TFEC: variants seen among roughly 807,000 people sequenced by gnomAD.
TFEC encodes transcription factor EC.
In TFEC, 31 loss-of-function variants were observed where a neutral mutation model predicts 41.6. The ratio of observed to expected loss-of-function variants is 0.74; its 90% confidence interval spans 0.56 to 1.01. TFEC has a LOEUF of 1.01. TFEC is among the 50% of genes least tolerant of loss of function. The probability of loss-of-function intolerance (pLI) is 0.00; values close to 1 mark genes in which losing one functional copy is unlikely to be tolerated. For missense variants in TFEC, 402 were observed against 404.1 expected, an observed-to-expected ratio of 0.99 and a Z score of 0.04; for synonymous variants, 143 against 140.6, an observed-to-expected ratio of 1.02 and a Z score of -0.12.
chr7:115,961,899 A>T (rs1792574491), intron 3 of TFEC, among the ~76,000 whole-genome samples: 1 of 151,586 alleles, frequency 6.6e-6, no homozygotes, highest in Admixed American at 6.6e-5. Flanking sequence ...ACACGATCTC[A>T]TATTAAGAAA....
At chr7:116,122,333 C>T (rs970761029) in intron 1 of TFEC, among the ~76,000 whole-genome samples, 9 of 152,050 alleles carry the variant, frequency 5.9e-5, no homozygotes, top group Non-Finnish European at 1.2e-4. Context: ...GTTTGGAACT[C>T]AAAAAGCATT....
chr7:116,122,634 A>G (rs1798130435), intron 1 of TFEC, among the ~76,000 whole-genome samples: 1 of 152,102 alleles, frequency 6.6e-6, no homozygotes. Flanking sequence ...TTTATCTGCC[A>G]GGTAGCAGGC....
intron 6 of TFEC, among the ~76,000 whole-genome samples, chr7:115,944,392 G>T (rs2130242816): frequency 6.6e-6 from 1 of 151,430 alleles, no homozygotes; most frequent in African/African-American, 2.4e-5. Flanking sequence ...TTTGGGTTTT[G>T]TTTTGTTAAC....
chr7:116,129,371 T>C (rs895019769), intron 1 of TFEC, among the ~76,000 whole-genome samples: 1 of 151,786 alleles, frequency 6.6e-6, no homozygotes, highest in Admixed American at 6.6e-5. Context: ...GGTATATCAC[T>C]CAGTAGTGGA....
chr7:116,101,184 T>C, intron 3 of TFEC, among the ~76,000 whole-genome samples: 1 of 125,386 alleles, frequency 8.0e-6, no homozygotes, highest in Non-Finnish European at 1.7e-5. Flanking sequence ...TCCCCCACTT[T>C]CATGCCCCCC....
upstream of TFEC, among the ~76,000 whole-genome samples, chr7:116,032,767 AC>A (rs1795818370): frequency 1.3e-5 from 2 of 152,118 alleles, no homozygotes; most frequent in Admixed American, 1.3e-4. Flanking sequence ...AATAATCTGT[AC>A]AGCAAACCCC....
At chr7:116,024,020 G>A (rs1284867853) in intron 1 of TFEC, among the ~76,000 whole-genome samples, 1 of 152,018 alleles carries the variant, frequency 6.6e-6, no homozygotes, top group Non-Finnish European at 1.5e-5. Flanking sequence ...ACCTTTCTCT[G>A]ACCAAACTGA....
chr7:116,003,248 A>G (rs959943603), intron 1 of TFEC, among the ~76,000 whole-genome samples: 2 of 74,960 alleles, frequency 2.7e-5, no homozygotes, highest in African/African-American at 1.1e-4. Context: ...TAAACTTTAA[A>G]TTTAAAAAAA....
upstream of TFEC, among the ~76,000 whole-genome samples, chr7:116,031,138 C>T (rs1795771817): frequency 6.6e-6 from 1 of 151,956 alleles, no homozygotes; most frequent in Admixed American, 6.6e-5. Context: ...TGACCTGCAT[C>T]ATTTTTTTTT....
In TFEC at chr7:115,984,328, G is replaced by T. The variant is rs775272636; in HGVS notation, c.114C>A (p.Gly38=). The change falls in exon 2 of 8, where the codon GGC becomes GGA. Residue 38 remains glycine (G), a synonymous_variant. Coordinates refer to ENST00000265440, the MANE Select transcript of TFEC (RefSeq NM_012252.4). The part of the protein sequence containing the change: ...HAHTTLDSDA[G]LTENPLTKLL... ...ACTTGGTGAGTGGGTTTTCTGTGAGGCCAGCATCACTGTCCAGAGTTGTGT... is the reference window on the plus strand; with the variant it reads ...ACTTGGTGAGTGGGTTTTCTGTGAGTCCAGCATCACTGTCCAGAGTTGTGT... 2.9e-5 allele frequency: 47 copies of T among 1,613,906 alleles called. No individual in the cohort carries two copies. The African/African-American group carries it at 5.3e-4, about 18-fold the overall frequency.
chr7:115,947,787 T>G (rs2130303792), intron 6 of TFEC, among the ~76,000 whole-genome samples: 1 of 152,208 alleles, frequency 6.6e-6, no homozygotes, highest in South Asian at 2.1e-4. Flanking sequence ...TCTTGTAAAT[T>G]TGTTTAAGTT....
chr7:115,967,020 T>C (rs181509000), intron 3 of TFEC, among the ~76,000 whole-genome samples: 1 of 151,850 alleles, frequency 6.6e-6, no homozygotes, highest in East Asian at 1.9e-4. Context: ...ATAGTATGTA[T>C]TTACCATGTT....
chr7:116,145,912 A>G (rs1238563770), intron 1 of TFEC, among the ~76,000 whole-genome samples: 1 of 152,208 alleles, frequency 6.6e-6, no homozygotes, highest in African/African-American at 2.4e-5. Flanking sequence ...TTAAAAATCA[A>G]CTATCACTAT....
rs1023329902 is a variant in TFEC, at chr7:115,950,962, A to G, written c.440-13T>C. On this transcript the variant is annotated splice_polypyrimidine_tract_variant and intron_variant, in intron 5 of 7. Transcript: ENST00000265440. ...CTTCTTCTTTCAACTATTAAAGAAGAAATATTATTGATTATTCTCATTAAT... is the reference window on the plus strand; with the variant it reads ...CTTCTTCTTTCAACTATTAAAGAAGGAATATTATTGATTATTCTCATTAAT... 17 of 1,510,650 alleles carry G rather than the reference A, an allele frequency of 1.1e-5. No individual in the cohort carries two copies. The highest frequency in any genetic ancestry group is 1.4e-5 in the Non-Finnish European group (15 of 1,096,398). 93.6% of individuals were successfully genotyped at this position (1,510,650 alleles called of 1,614,324 possible). A position where few individuals can be genotyped will look rare whatever the true frequency, so the allele number is the denominator to read the frequency against.
chr7:116,113,435 A>C (rs972461272), intron 1 of TFEC, among the ~76,000 whole-genome samples: 6 of 151,942 alleles, frequency 3.9e-5, no homozygotes, highest in African/African-American at 1.2e-4. Flanking sequence ...AGCTCTCAAG[A>C]AGGAACCACT....
chr7:116,054,788 A>G (rs1796389860), intron 3 of TFEC, among the ~76,000 whole-genome samples: 1 of 152,118 alleles, frequency 6.6e-6, no homozygotes, highest in African/African-American at 2.4e-5. Context: ...TATTACTGGA[A>G]CCAATATCTC....
intron 1 of TFEC, among the ~76,000 whole-genome samples, chr7:116,124,510 C>A (rs1798172445): frequency 6.7e-6 from 1 of 150,110 alleles, no homozygotes; most frequent in Non-Finnish European, 1.5e-5. Context: ...AATATTTTAC[C>A]CCTAAAATGT....
chr7:116,022,004 C>T (rs991598882), intron 1 of TFEC, among the ~76,000 whole-genome samples: 6 of 152,122 alleles, frequency 3.9e-5, no homozygotes, highest in East Asian at 1.9e-4. Flanking sequence ...ACAGGCTTAT[C>T]GGCCCTGCCT....
chr7:116,107,390 G>C (rs981054964), intron 3 of TFEC, among the ~76,000 whole-genome samples: 8 of 152,152 alleles, frequency 5.3e-5, no homozygotes, highest in African/African-American at 1.7e-4. Flanking sequence ...ATGCGAGCCA[G>C]CAAATGTTCC....
Sources: gnomAD v4.1 joint callset for allele counts (sites outside exome capture counted in the v4.1 genomes callset) on GRCh38, gnomAD v4.1.1 for gene constraint, MANE v1.5 for transcripts, NCBI Gene and HGNC (gene_info 2026-07-23, HGNC 2026-07-21) for gene names.